PCDHA4: variants seen among roughly 807,000 people sequenced by gnomAD.
PCDHA4 encodes protocadherin alpha-4.
A neutral mutation model predicts 61.4 loss-of-function variants in PCDHA4; 49 were observed. The observed-to-expected ratio is 0.80, with a 90% CI of 0.63 to 1.01. The LOEUF is 1.01. PCDHA4 is among the 50% of genes least tolerant of loss of function. The pLI, the probability that PCDHA4 is intolerant of heterozygous loss-of-function variation, is 0.00. For missense variants in PCDHA4, 1,254 were observed against 1,235.8 expected (o/e 1.01, Z -0.22); for synonymous variants, 590 against 550.3 (o/e 1.07, Z -1.01).
rs189226531 is a variant in PCDHA4, at chr5:140,874,455, T to C, written c.2385+64883T>C. 5.3e-5 allele frequency among the ~76,000 whole-genome samples: 8 copies of C among 152,332 alleles called. No homozygotes were observed. The East Asian group carries it at 1.5e-3, about 29-fold the overall frequency. On this transcript the variant is annotated intron_variant, in intron 1 of 3. Coordinates refer to ENST00000530339, the MANE Select transcript of PCDHA4 (RefSeq NM_018907.4). ...CATGTCCTAACTACTAAATGACCTG[T>C]AGGGGAAGATTTAGAGAAAAAGCAA...
chr5:140,842,755 T>A, intron 1 of PCDHA4: 1 of 1,594,888 alleles, frequency 6.3e-7, no homozygotes, highest in Non-Finnish European at 8.6e-7. Context: ...TCACGGTGTC[T>A]GCGCGAGACG....
In PCDHA4 at chr5:140,808,273, C is replaced by T. The variant is rs782725111; in HGVS notation, c.1086C>T (p.Asp362=). 1 of 1,614,232 alleles carries T rather than the reference C, an allele frequency of 6.2e-7. No individual in the cohort carries two copies. Among genetic ancestry groups the T allele is most frequent in the Non-Finnish European group, 8.5e-7 (1 of 1,180,042 alleles). The change falls in exon 1 of 4, where the codon GAC becomes GAT. Residue 362 remains aspartate, a synonymous_variant. Coordinates refer to ENST00000530339, the MANE Select transcript of PCDHA4 (RefSeq NM_018907.4). The part of the protein sequence containing the change: ...FKSLSLPIRE[D]APLGTVIALI... The stretch of plus-strand genomic sequence containing the variant: ...CTTTATCACTTCCAATTAGAGAGGA[C>T]GCTCCACTGGGTACAGTCATCGCCC...
chr5:140,893,882 C>G (rs2064212921), intron 1 of PCDHA4, among the ~76,000 whole-genome samples: 1 of 152,140 alleles, frequency 6.6e-6, no homozygotes, highest in Non-Finnish European at 1.5e-5. Flanking sequence ...CCAAAGTGGC[C>G]AGAAAGTTAC....
rs930699906 is a variant in PCDHA4 at position 140,851,715 on chromosome 5, G to A, written c.2385+42143G>A. The A allele has an allele frequency of 9.3e-6, 9 of 963,892 alleles. No individual in the cohort carries two copies. In the East Asian group the frequency reaches 3.4e-4, roughly 37 times the overall value. The allele number at this position is 963,892 out of a possible 1,614,324, so 59.7% of individuals were successfully genotyped here. On this transcript the variant is annotated intron_variant, in intron 1 of 3. Transcript: ENST00000530339. Reference sequence around the variant, plus strand: ...AAAATGATCAGCCATGTGAAGATTCGAAACTTCGAGTTCTTTTGAAATTCA... The same window carrying A: ...AAAATGATCAGCCATGTGAAGATTCAAAACTTCGAGTTCTTTTGAAATTCA...
intron 1 of PCDHA4, among the ~76,000 whole-genome samples, chr5:140,888,192 A>G (rs906159358): frequency 4.6e-5 from 7 of 152,120 alleles, no homozygotes; most frequent in Non-Finnish European, 8.8e-5. Context: ...TGAATTTTAC[A>G]TTGTCGGATG....
intron 1 of PCDHA4, chr5:140,877,728 G>A: frequency 1.2e-6 from 2 of 1,614,164 alleles, no homozygotes; most frequent in Non-Finnish European, 1.7e-6. Context: ...CTTACTCGCA[G>A]CAGAGGAGGC....
chr5:140,939,283 GATCTAATC>G lies in PCDHA4; in HGVS notation c.2386-39661_2386-39654del, dbSNP rs1257109202. ...TCTTTTATGAGAGCTGTGCCCTCGT[GATCTAATC>G]ATCTCTACAAAAGCCCTACCTCCTA... On this transcript the variant is annotated intron_variant, in intron 1 of 3. Coordinates refer to ENST00000530339, the MANE Select transcript of PCDHA4 (RefSeq NM_018907.4). Among the ~76,000 whole-genome samples the G allele has an allele frequency of 2.0e-5, 3 of 152,184 alleles. No homozygotes were observed. In the East Asian group the frequency reaches 5.8e-4, roughly 29 times the overall value.
At chr5:140,870,482 C>T in intron 1 of PCDHA4, 1 of 1,614,244 alleles carries the variant, frequency 6.2e-7, no homozygotes, top group South Asian at 1.1e-5. Flanking sequence ...CCCGAGTACA[C>T]CGTGTTCGTG....
chr5:140,987,805 C>T (rs2097269328), intron 3 of PCDHA4, among the ~76,000 whole-genome samples: 3 of 152,140 alleles, frequency 2.0e-5, no homozygotes. Flanking sequence ...TTTAAAGTGC[C>T]TGTCTCTTTG....
chr5:140,872,816 T>C (rs1204141018), intron 1 of PCDHA4, among the ~76,000 whole-genome samples: 2 of 152,190 alleles, frequency 1.3e-5, no homozygotes, highest in African/African-American at 4.8e-5. Context: ...GTTTTTCAGA[T>C]TCATCTAGCA....
chr5:140,881,023 A>T (rs1338073910), intron 1 of PCDHA4, among the ~76,000 whole-genome samples: 2 of 152,240 alleles, frequency 1.3e-5, no homozygotes, highest in Admixed American at 1.3e-4. Flanking sequence ...AAATAAACCC[A>T]ACAGTCATTT....
intron 3 of PCDHA4, among the ~76,000 whole-genome samples, chr5:140,989,557 G>A (rs933151682): frequency 6.6e-6 from 1 of 152,166 alleles, no homozygotes; most frequent in Non-Finnish European, 1.5e-5. Context: ...TTTACGTTTT[G>A]TGGCTCCGGC....
At position 140,808,500 on chromosome 5, in the gene PCDHA4, C is replaced by T. The variant is rs527429618; in HGVS notation, c.1313C>T (p.Thr438Met). The T allele has an allele frequency of 2.7e-5, 44 of 1,614,182 alleles. No homozygotes were observed. In the South Asian group the frequency reaches 3.4e-4, roughly 12 times the overall value. The change falls in exon 1 of 4, where the codon ACG (threonine) becomes ATG (methionine). Residue 438 changes from threonine (T) to methionine (M), a missense_variant. By Grantham distance (81) the Thr-to-Met change is moderately conservative. Coordinates refer to ENST00000530339, the MANE Select transcript of PCDHA4 (RefSeq NM_018907.4). ...GGGGGCTCGCCTTCGCTGTGGGCCA[C>T]GGCCAGTGTTTCTGTGGAGGTGGCT... ...RDGGSPSLWA[T>M]ASVSVEVADV...
Position 140,849,199 on chromosome 5 carries a change from A to G in PCDHA4, c.2385+39627A>G, listed in dbSNP as rs1581177103. 1 of 1,039,422 alleles carries G rather than the reference A, an allele frequency of 9.6e-7. No homozygotes were observed. The allele number at this position is 1,039,422 out of a possible 1,614,324, so 64.4% of individuals were successfully genotyped here. On this transcript the variant is annotated intron_variant, in intron 1 of 3. Transcript: ENST00000530339. Reference sequence around the variant, plus strand: ...CAATTACTCATCACGGTACTGGACAACAATGACAATGCCCCAGTGTTCGAC... The same window carrying G: ...CAATTACTCATCACGGTACTGGACAGCAATGACAATGCCCCAGTGTTCGAC...
At chr5:140,995,592 A>G (rs2097690478) in intron 3 of PCDHA4, among the ~76,000 whole-genome samples, 1 of 152,212 alleles carries the variant, frequency 6.6e-6, no homozygotes, top group East Asian at 1.9e-4. Context: ...CTTTTAACTT[A>G]GTGTTTTTCT....
intron 1 of PCDHA4, chr5:140,967,813 C>T (rs12153295): frequency 0.14 from 229,585 of 1,614,060 alleles, 17,281 homozygotes; most frequent in Middle Eastern, 0.18. Context: ...CAGGTCACTG[C>T]AAGGTGCTGG....
rs2094433165 is a variant in PCDHA4, at chr5:140,949,923, G to T, written c.2386-29026G>T. Among the ~76,000 whole-genome samples the T allele has an allele frequency of 2.7e-5, 4 of 150,516 alleles. No homozygotes were observed. In the South Asian group the frequency reaches 8.3e-4, roughly 31 times the overall value. On this transcript the variant is annotated intron_variant, in intron 1 of 3. Coordinates refer to ENST00000530339, the MANE Select transcript of PCDHA4 (RefSeq NM_018907.4). Reference sequence around the variant, plus strand: ...TAATTTTTAGATATAACTATTTTTAGATTTTTTTTAATTTGCATTTTTTAG... The same window carrying T: ...TAATTTTTAGATATAACTATTTTTATATTTTTTTTAATTTGCATTTTTTAG...
chr5:140,882,189 T>A, intron 1 of PCDHA4: 6 of 1,519,304 alleles, frequency 3.9e-6, no homozygotes, highest in Non-Finnish European at 5.3e-6. Context: ...TAGGAAGCCA[T>A]AAAAATTGGG....
chr5:140,818,135 A>G (rs1375287002), intron 1 of PCDHA4, among the ~76,000 whole-genome samples: 1 of 152,222 alleles, frequency 6.6e-6, no homozygotes, highest in Non-Finnish European at 1.5e-5. Flanking sequence ...ATTTAGCAGT[A>G]TGCCTTCAAA....
Sources: allele counts gnomAD v4.1 joint callset (sites outside exome capture counted in the v4.1 genomes callset), GRCh38; gene constraint gnomAD v4.1.1; transcripts MANE v1.5; gene names NCBI Gene and HGNC (gene_info 2026-07-23, HGNC 2026-07-21).